Variants in PRELID2 observed in about 807,000 individuals in gnomAD.
PRELID2 encodes PRELI domain containing 2.
A neutral mutation model predicts 28.4 loss-of-function variants in PRELID2; 25 were observed. The ratio of observed to expected loss-of-function variants is 0.88; its 90% confidence interval spans 0.64 to 1.23. The LOEUF is 1.23. Among genes scored for constraint, PRELID2 ranks in the 50% most tolerant of loss-of-function variants. PRELID2 has a pLI of 0.00. For synonymous variants in PRELID2, 76 were observed against 71.6 expected (o/e 1.06, Z -0.31); for missense variants, 201 against 214.4 (o/e 0.94, Z 0.39).
chr5:145,364,540 G>A, the PRELID2 span, among the ~76,000 whole-genome samples: 1 of 151,974 alleles, frequency 6.6e-6, no homozygotes, highest in Non-Finnish European at 1.5e-5. Flanking sequence ...GCTTTTAAAA[G>A]AGTGTCAAAT....
chr5:145,706,956 T>C (rs1755564639), intron 1 of PRELID2, among the ~76,000 whole-genome samples: 1 of 152,126 alleles, frequency 6.6e-6, no homozygotes, highest in Non-Finnish European at 1.5e-5. Context: ...TGGAAGCCAG[T>C]TGGAAATGCA....
intron 1 of PRELID2, among the ~76,000 whole-genome samples, chr5:145,724,604 T>TAC (rs1561558950): frequency 6.0e-5 from 2 of 33,352 alleles, no homozygotes; most frequent in Non-Finnish European, 9.7e-5. Context: ...TAAATAAATA[T>TAC]ATATATATAT....
At chr5:145,403,009 C>T in the PRELID2 span, among the ~76,000 whole-genome samples, 3 of 152,136 alleles carry the variant, frequency 2.0e-5, no homozygotes, top group Admixed American at 1.3e-4. Flanking sequence ...GGTGGTAGAA[C>T]TAGGATTTGG....
rs1344588429 is a variant in PRELID2 at position 145,741,776 on chromosome 5, AATTT to A, written n.70+23151_70+23154del. Among the ~76,000 whole-genome samples, 13 of 40,176 alleles carry A rather than the reference AATTT, an allele frequency of 3.2e-4. 4 individuals are homozygous for A. The highest frequency in any genetic ancestry group is 8.1e-4 in the African/African-American group (10 of 12,396). The allele number at this position is 40,176 out of a possible 152,430, so 26.4% of individuals were successfully genotyped here. A position where few individuals can be genotyped will look rare whatever the true frequency, so the allele number is the denominator to read the frequency against. On this transcript the variant is annotated intron_variant and non_coding_transcript_variant, in intron 1 of 2. Transcript: ENST00000510259. Reference sequence around the variant, plus strand: ...TATTAATTTATTTATATATAAATAAAATTTATTTATAAAGTATTTATATATAAAT... The same window carrying A: ...TATTAATTTATTTATATATAAATAAAATTTATAAAGTATTTATATATAAAT...
chr5:145,561,506 G>A (rs998650481), intron 1 of PRELID2, among the ~76,000 whole-genome samples: 3 of 152,158 alleles, frequency 2.0e-5, no homozygotes, highest in Admixed American at 6.5e-5. Flanking sequence ...TATGCCTTAA[G>A]TGAGTTTTGA....
At chr5:145,292,147 T>C in the PRELID2 span, among the ~76,000 whole-genome samples, 10 of 152,272 alleles carry the variant, frequency 6.6e-5, no homozygotes, top group African/African-American at 2.4e-4. Context: ...CAACTAAAAA[T>C]GATTCATAAT....
chr5:145,306,642 T>G, the PRELID2 span, among the ~76,000 whole-genome samples: 1 of 152,188 alleles, frequency 6.6e-6, no homozygotes, highest in African/African-American at 2.4e-5. Context: ...CATATTTCAA[T>G]CTTTTACAGT....
chr5:145,441,714 G>T, the PRELID2 span, among the ~76,000 whole-genome samples: 1 of 152,196 alleles, frequency 6.6e-6, no homozygotes, highest in African/African-American at 2.4e-5. Flanking sequence ...TTTCAGGGAT[G>T]CATGGTGAAG....
At chr5:145,558,089 T>A (rs1212351013) in intron 1 of PRELID2, among the ~76,000 whole-genome samples, 8 of 152,350 alleles carry the variant, frequency 5.3e-5, no homozygotes, top group African/African-American at 1.9e-4. Context: ...TAGAATCAGA[T>A]AAATCTGGTT....
At chr5:145,356,155 T>C in the PRELID2 span, among the ~76,000 whole-genome samples, 3 of 152,148 alleles carry the variant, frequency 2.0e-5, no homozygotes, top group African/African-American at 7.2e-5. Context: ...GAAATACTTA[T>C]GTGATTTAAC....
chr5:145,240,793 T>C, the PRELID2 span, among the ~76,000 whole-genome samples: 7,355 of 152,136 alleles, frequency 0.048, 303 homozygotes, highest in African/African-American at 0.11. Context: ...TATGATCTTA[T>C]AAGCTTAGAT....
the PRELID2 span, among the ~76,000 whole-genome samples, chr5:145,266,400 A>T: frequency 6.6e-6 from 1 of 152,034 alleles, no homozygotes; most frequent in Non-Finnish European, 1.5e-5. Flanking sequence ...GACAATTCTC[A>T]AAGAAGATAT....
intron 1 of PRELID2, among the ~76,000 whole-genome samples, chr5:145,525,122 T>C (rs1195853692): frequency 6.6e-6 from 1 of 152,210 alleles, no homozygotes; most frequent in African/African-American, 2.4e-5. Context: ...AGTCAGGTTG[T>C]ATTATTTCAA....
chr5:145,705,082 T>A (rs1477833248), intron 1 of PRELID2, among the ~76,000 whole-genome samples: 2 of 152,164 alleles, frequency 1.3e-5, no homozygotes, highest in African/African-American at 4.8e-5. Flanking sequence ...TATGAACATA[T>A]AATGTCTAAC....
chr5:145,419,176 G>A, the PRELID2 span, among the ~76,000 whole-genome samples: 1 of 150,652 alleles, frequency 6.6e-6, no homozygotes, highest in Non-Finnish European at 1.5e-5. Flanking sequence ...TGTGAATAAT[G>A]CTGCAATAAG....
chr5:145,284,444 G>A, the PRELID2 span, among the ~76,000 whole-genome samples: 12 of 151,964 alleles, frequency 7.9e-5, no homozygotes, highest in African/African-American at 2.2e-4. Flanking sequence ...AGTCACAGCC[G>A]GGCAAGAAAT....
the PRELID2 span, among the ~76,000 whole-genome samples, chr5:145,244,315 C>T: frequency 6.6e-6 from 1 of 152,176 alleles, no homozygotes; most frequent in Admixed American, 6.6e-5. Context: ...CTACTTTCCT[C>T]GAAACTGACA....
chr5:145,364,143 A>G, the PRELID2 span, among the ~76,000 whole-genome samples: 6 of 152,010 alleles, frequency 3.9e-5, no homozygotes, highest in African/African-American at 1.4e-4. Flanking sequence ...GGAGTGTGAT[A>G]CAAATACCAA....
Position 145,820,089 on chromosome 5 carries a change from T to C in PRELID2, c.134-71A>G, listed in dbSNP as rs988155679. The C allele has an allele frequency of 5.4e-6, 5 of 922,152 alleles. No homozygotes were observed. In the African/African-American group the frequency reaches 8.9e-5, roughly 16 times the overall value. The allele number at this position is 922,152 out of a possible 1,614,324, so 57.1% of individuals were successfully genotyped here. A position where few individuals can be genotyped will look rare whatever the true frequency, so the allele number is the denominator to read the frequency against. ...TTCTTTTCTTAGTGTCAATAAATCT[T>C]GCGGGGGTGGGGTTTTTTTGTTTTT... On this transcript the variant is annotated intron_variant, in intron 2 of 6. Coordinates refer to ENST00000683046, the MANE Select transcript of PRELID2 (RefSeq NM_205846.3).
Sources: allele counts gnomAD v4.1 joint callset (sites outside exome capture counted in the v4.1 genomes callset), GRCh38; gene constraint gnomAD v4.1.1; transcripts MANE v1.5; gene names NCBI Gene and HGNC (gene_info 2026-07-23, HGNC 2026-07-21).